The following ARID1B variants were observed in gnomAD, a reference collection of about 807,000 sequenced individuals.
ARID1B encodes AT-rich interaction domain 1B, also known as AT-rich interactive domain-containing protein 1B.
A neutral mutation model predicts 212.3 loss-of-function variants in ARID1B; 30 were observed. The observed-to-expected ratio is 0.14, with a 90% CI of 0.11 to 0.19. The LOEUF is 0.19. ARID1B is among the 10% of genes least tolerant of loss of function. The pLI is 1.00. For missense variants in ARID1B, 2,891 were observed against 3,204.0 expected (o/e 0.90, Z 2.36); for synonymous variants, 1,402 against 1,301.7 (o/e 1.08, Z -1.66).
At chr6:156,906,275 A>G (rs1789366405) in intron 3 of ARID1B, among the ~76,000 whole-genome samples, 1 of 152,036 alleles carries the variant, frequency 6.6e-6, no homozygotes, top group South Asian at 2.1e-4. Flanking sequence ...AAGAAGCACC[A>G]GCCACCTCAT....
rs138179681 is a variant in ARID1B at position 157,159,870 on chromosome 6, A to G, written c.3090-7170A>G. On this transcript the variant is annotated intron_variant, in intron 8 of 19. Coordinates refer to ENST00000636930, the MANE Select transcript of ARID1B (RefSeq NM_001374828.1). ...CACTGAAAATATTATTCTTGAGAGTATGGTGACAAAGTTACTACTGTTCCT... is the reference window on the plus strand; with the variant it reads ...CACTGAAAATATTATTCTTGAGAGTGTGGTGACAAAGTTACTACTGTTCCT... 2.0e-5 allele frequency among the ~76,000 whole-genome samples: 3 copies of G among 152,386 alleles called. No homozygotes were observed. The East Asian group carries it at 5.8e-4, about 29-fold the overall frequency.
chr6:156,792,176 A>T (rs571721833), intron 1 of ARID1B, among the ~76,000 whole-genome samples: 58 of 152,202 alleles, frequency 3.8e-4, no homozygotes, highest in Admixed American at 2.9e-3. Context: ...CTCTAAACCT[A>T]CATTTCTTTA....
rs1429087143 is a variant in ARID1B at position 157,175,256 on chromosome 6, G to A, written c.3504+251G>A. ...TTATAAAGAAGCACCTCTATACAAAGCATGCGAGTGTGTTAACTGGGTCCA... is the reference window on the plus strand; with the variant it reads ...TTATAAAGAAGCACCTCTATACAAAACATGCGAGTGTGTTAACTGGGTCCA... On this transcript the variant is annotated intron_variant, in intron 11 of 19. Coordinates refer to ENST00000636930, the MANE Select transcript of ARID1B (RefSeq NM_001374828.1). 1.3e-5 allele frequency: 3 copies of A among 225,960 alleles called. No individual in the cohort carries two copies. The Admixed American group carries it at 1.7e-4, about 13-fold the overall frequency. 14.0% of individuals were successfully genotyped at this position (225,960 alleles called of 1,614,324 possible). A position where few individuals can be genotyped will look rare whatever the true frequency, so the allele number is the denominator to read the frequency against.
chr6:157,180,181 G>A (rs932990430), intron 11 of ARID1B, among the ~76,000 whole-genome samples: 2 of 152,094 alleles, frequency 1.3e-5, no homozygotes, highest in East Asian at 1.9e-4. Flanking sequence ...TGTAATCCAC[G>A]GAGTAGGCTT....
chr6:157,155,310 T>C (rs1195270063), intron 8 of ARID1B, among the ~76,000 whole-genome samples: 3 of 152,098 alleles, frequency 2.0e-5, no homozygotes, highest in Non-Finnish European at 4.4e-5. Context: ...GAATTGTGAA[T>C]TGTGAATTGT....
rs2128341647 is a variant in ARID1B, at chr6:157,190,918, G to A, written c.4231+708G>A. ...CTGAGGACCTGTCATGGGGGTGGTG[G>A]TGGGAATGAGCTTGGTGTATGAGGA... On this transcript the variant is annotated intron_variant, in intron 15 of 19. Coordinates refer to ENST00000636930, the MANE Select transcript of ARID1B (RefSeq NM_001374828.1). This position sits in a 1 kb window ranked among gnomAD's most constrained non-coding sequence, Gnocchi z 4.6. Among the ~76,000 whole-genome samples, 1 of 151,948 alleles carries A rather than the reference G, an allele frequency of 6.6e-6. No individual in the cohort carries two copies. The highest frequency in any genetic ancestry group is 1.5e-5 in the Non-Finnish European group (1 of 67,970).
chr6:157,072,879 C>G (rs892549625), intron 4 of ARID1B, among the ~76,000 whole-genome samples: 2 of 152,208 alleles, frequency 1.3e-5, no homozygotes, highest in Non-Finnish European at 2.9e-5. Context: ...GGAAGTACTA[C>G]AGCAAAGACT....
rs758204258 is a variant in ARID1B at position 157,206,873 on chromosome 6, A to G, written c.6101A>G (p.Lys2034Arg). 2.5e-6 allele frequency: 4 copies of G among 1,614,046 alleles called. No homozygotes were observed. Among genetic ancestry groups the G allele is most frequent in the Non-Finnish European group, 3.4e-6 (4 of 1,180,036 alleles). ...SKFPFGIQQA[K>R]SHRNIKLLED... Reference sequence around the variant, plus strand: ...TTTCCCTTTGGTATCCAGCAAGCCAAAAGTCACCGGAACATCAAGCTGCTG... The same window carrying G: ...TTTCCCTTTGGTATCCAGCAAGCCAGAAGTCACCGGAACATCAAGCTGCTG... The change falls in exon 20 of 20, where the codon AAA becomes AGA. Residue 2034 changes from lysine (K) to arginine (R), a missense_variant. Lys to Arg is a conservative substitution (Grantham distance 26). This residue lies in a region of ARID1B where 332 missense variants were observed against 369.2 expected (regional missense o/e 0.90). Transcript: ENST00000636930. The surrounding 1 kb of genome is among the most constrained non-coding windows in gnomAD (Gnocchi z 6.8).
chr6:157,046,689 T>C (rs12664740), intron 4 of ARID1B, among the ~76,000 whole-genome samples: 41,494 of 152,102 alleles, frequency 0.27, 6,031 homozygotes, highest in Non-Finnish European at 0.32. Context: ...TGTATTGTTG[T>C]CCACAAACAA....
At chr6:157,129,057 A>G (rs1327027393) in intron 6 of ARID1B, among the ~76,000 whole-genome samples, 3 of 152,256 alleles carry the variant, frequency 2.0e-5, no homozygotes, top group Non-Finnish European at 4.4e-5. Context: ...TGGAAGCTTC[A>G]TCTGAATTTA....
chr6:156,828,318 C>T (rs192095374), intron 1 of ARID1B, among the ~76,000 whole-genome samples: 21 of 152,240 alleles, frequency 1.4e-4, no homozygotes, highest in African/African-American at 5.1e-4. Context: ...TCCTGAAAGT[C>T]CCCATGTACT....
intron 6 of ARID1B, among the ~76,000 whole-genome samples, chr6:157,114,459 C>T (rs1583329455): frequency 1.5e-5 from 2 of 133,472 alleles, no homozygotes; most frequent in South Asian, 5.0e-4. Context: ...GGGAGGCGGA[C>T]GTTGCCGTGA....
intron 13 of ARID1B, among the ~76,000 whole-genome samples, chr6:157,187,550 C>A (rs920888226): frequency 5.3e-5 from 8 of 152,226 alleles, no homozygotes; most frequent in African/African-American, 1.2e-4. Flanking sequence ...AGGTTCGTGC[C>A]GGGTAAATTA....
chr6:156,783,960 A>G (rs899395072), intron 1 of ARID1B, among the ~76,000 whole-genome samples: 1 of 152,216 alleles, frequency 6.6e-6, no homozygotes, highest in East Asian at 1.9e-4. Flanking sequence ...TATGTTTGAT[A>G]GAAGTGTGGT....
intron 6 of ARID1B, among the ~76,000 whole-genome samples, chr6:157,121,115 TA>T (rs1787682655): frequency 6.6e-6 from 1 of 152,258 alleles, no homozygotes; most frequent in African/African-American, 2.4e-5. Flanking sequence ...AGATCCATGT[TA>T]AAATTCCTCC....
intron 1 of ARID1B, among the ~76,000 whole-genome samples, chr6:156,819,663 T>C (rs116346305): frequency 0.011 from 1,675 of 152,284 alleles, 28 homozygotes; most frequent in African/African-American, 0.037. Flanking sequence ...TCAATACTTG[T>C]TTTTCTCCTC....
At chr6:157,040,775 A>G (rs2128524814) in intron 4 of ARID1B, among the ~76,000 whole-genome samples, 1 of 152,306 alleles carries the variant, frequency 6.6e-6, no homozygotes, top group East Asian at 1.9e-4. Flanking sequence ...TACTTCTTAC[A>G]TCTTAATTTT....
At chr6:157,107,457 TTAAAAA>T (rs1296069179) in intron 5 of ARID1B, among the ~76,000 whole-genome samples, 10 of 152,104 alleles carry the variant, frequency 6.6e-5, no homozygotes, top group African/African-American at 2.4e-4. Flanking sequence ...CTAAAATTAA[TTAAAAA>T]TAAAAATACG....
At position 156,990,470 on chromosome 6, in the gene ARID1B, G is replaced by A. The variant is rs549633098; in HGVS notation, c.2247+54894G>A. Among the ~76,000 whole-genome samples, 9 of 152,002 alleles carry A rather than the reference G, an allele frequency of 5.9e-5. No homozygotes were observed. In the South Asian group the frequency reaches 1.7e-3, roughly 28 times the overall value. ...CTCCTGGCCATCATGGTGAAACCCC[G>A]TCTCTACTAAAAATACAAAAATTAG... On this transcript the variant is annotated intron_variant, in intron 4 of 19. Coordinates refer to ENST00000636930, the MANE Select transcript of ARID1B (RefSeq NM_001374828.1).
Sources: gnomAD v4.1 joint callset for allele counts (sites outside exome capture counted in the v4.1 genomes callset) on GRCh38, gnomAD v4.1.1 for gene constraint, gnomAD v4.1.1 regional missense constraint, Gnocchi (gnomAD v3.1) non-coding constraint, MANE v1.5 for transcripts, NCBI Gene and HGNC (gene_info 2026-07-23, HGNC 2026-07-21) for gene names.